Variants in PLXDC1 observed in about 807,000 individuals in gnomAD.
PLXDC1 encodes plexin domain containing 1, also known as plexin domain-containing protein 1.
In PLXDC1, 39 loss-of-function variants were observed where a neutral mutation model predicts 61.3. The observed-to-expected ratio is 0.64, with a 90% confidence interval of 0.49 to 0.83. The LOEUF (loss-of-function observed/expected upper bound fraction) is 0.83, where lower values mean the gene tolerates loss of function less well. PLXDC1 is among the 40% of genes least tolerant of loss of function. PLXDC1 has a pLI of 0.00. For synonymous variants in PLXDC1, 212 were observed against 254.5 expected, an observed-to-expected ratio of 0.83 and a Z score of 1.59; for missense variants, 596 against 666.5, an observed-to-expected ratio of 0.89 and a Z score of 1.17.
At position 39,083,445 on chromosome 17, in the gene PLXDC1, C is replaced by A; in HGVS notation, c.989+14G>T. ...TCGGCCAGTGGGAGTCAGCAGGTAACCCTGGGCACAAACCTCTGGAGGACA... is the reference window on the plus strand; with the variant it reads ...TCGGCCAGTGGGAGTCAGCAGGTAAACCTGGGCACAAACCTCTGGAGGACA... On this transcript the variant is annotated intron_variant, in intron 9 of 13. Transcript: ENST00000315392. 1.9e-6 allele frequency: 3 copies of A among 1,611,530 alleles called. No homozygotes were observed. Among genetic ancestry groups the A allele is most frequent in the East Asian group, 4.5e-5 (2 of 44,824 alleles).
At chr17:39,088,405 G>A (rs943498959) in intron 7 of PLXDC1, among the ~76,000 whole-genome samples, 1 of 152,154 alleles carries the variant, frequency 6.6e-6, no homozygotes, top group Non-Finnish European at 1.5e-5. Flanking sequence ...ATCCAAGTTC[G>A]TTCTAGTTCT....
chr17:39,099,663 T>C (rs1156859113), intron 7 of PLXDC1, among the ~76,000 whole-genome samples: 10 of 152,194 alleles, frequency 6.6e-5, no homozygotes, highest in Admixed American at 5.9e-4. Flanking sequence ...GATCTGGACT[T>C]GAATTCTTCC....
intron 2 of PLXDC1, among the ~76,000 whole-genome samples, chr17:39,129,639 AAGAG>A (rs142405651): frequency 0.61 from 84,619 of 139,386 alleles, 25,877 homozygotes; most frequent in East Asian, 0.75. Flanking sequence ...AAAAGAAAGA[AAGAG>A]AGAGAGAGAG....
chr17:39,147,545 C>T (rs1382312429), intron 1 of PLXDC1, among the ~76,000 whole-genome samples: 1 of 152,160 alleles, frequency 6.6e-6, no homozygotes, highest in Non-Finnish European at 1.5e-5. Flanking sequence ...TACAAAGCCC[C>T]TAACCATACC....
intron 13 of PLXDC1, 152 bp from the exon 14 acceptor site, chr17:39,068,111 C>T (rs1017642158): frequency 3.0e-6 from 2 of 667,902 alleles, no homozygotes; most frequent in Non-Finnish European, 5.1e-6. Context: ...CCTTCAGGGA[C>T]CCTCTCCCTA....
chr17:39,096,496 C>T (rs1910207228), intron 7 of PLXDC1, among the ~76,000 whole-genome samples: 1 of 152,202 alleles, frequency 6.6e-6, no homozygotes, highest in South Asian at 2.1e-4. Flanking sequence ...CCCCTAGATC[C>T]CTTCTGTAGC....
chr17:39,090,994 G>A (rs992109815), intron 7 of PLXDC1, among the ~76,000 whole-genome samples: 3 of 152,162 alleles, frequency 2.0e-5, no homozygotes, highest in Admixed American at 1.3e-4. Context: ...GCCTGACCGC[G>A]GTACTGTGCT....
chr17:39,082,157 G>T (rs1472615313), intron 9 of PLXDC1, among the ~76,000 whole-genome samples: 1 of 152,194 alleles, frequency 6.6e-6, no homozygotes, highest in Non-Finnish European at 1.5e-5. Context: ...TGCTAGGCAG[G>T]CTGCCTATAA....
intron 9 of PLXDC1, among the ~76,000 whole-genome samples, chr17:39,082,480 G>A (rs565284628): frequency 2.6e-5 from 4 of 151,418 alleles, no homozygotes; most frequent in East Asian, 1.9e-4. Context: ...CAGGAGAATC[G>A]CTTGAACTCA....
At position 39,108,977 on chromosome 17, in the gene PLXDC1, C is replaced by A; in HGVS notation, c.400-4G>T. 6.2e-7 allele frequency: 1 copy of A among 1,610,440 alleles called. No homozygotes were observed. The highest frequency in any genetic ancestry group is 8.5e-7 in the Non-Finnish European group (1 of 1,176,956). On this transcript the variant is annotated splice_region_variant and splice_polypyrimidine_tract_variant and intron_variant, in intron 3 of 13. Transcript: ENST00000315392. The stretch of plus-strand genomic sequence containing the variant: ...AATCAAAGGACAAGACCACTCTCTG[C>A]AGGGGATGGGAGAAAGTCAGCACGG...
At chr17:39,114,011 C>T (rs60719569) in intron 2 of PLXDC1, among the ~76,000 whole-genome samples, 19,577 of 152,082 alleles carry the variant, frequency 0.13, 1,482 homozygotes, top group Middle Eastern at 0.2. Context: ...AATTTGACTG[C>T]TTGTCCCTCT....
intron 2 of PLXDC1, among the ~76,000 whole-genome samples, chr17:39,131,373 C>T (rs1036406496): frequency 4.0e-5 from 6 of 149,634 alleles, no homozygotes; most frequent in Non-Finnish European, 7.4e-5. Context: ...TTTTTTTAGG[C>T]GACAGAATCT....
intron 11 of PLXDC1, among the ~76,000 whole-genome samples, chr17:39,073,902 T>C (rs1444092269): frequency 6.6e-6 from 1 of 152,200 alleles, no homozygotes; most frequent in East Asian, 1.9e-4. Flanking sequence ...ATCTGGTTCA[T>C]TTAAGTGAGT....
intron 7 of PLXDC1, among the ~76,000 whole-genome samples, chr17:39,093,608 CGGGTGGCTGAG>C: frequency 6.6e-6 from 1 of 151,904 alleles, no homozygotes; most frequent in East Asian, 1.9e-4. Flanking sequence ...CCCAGCTACC[CGGGTGGCTGAG>C]GTAGGGGAAT....
intron 2 of PLXDC1, among the ~76,000 whole-genome samples, chr17:39,122,378 C>CAAAAA (rs71141762): frequency 5.5e-5 from 2 of 36,490 alleles, no homozygotes; most frequent in African/African-American, 1.1e-4. Context: ...GACTCTGTCT[C>CAAAAA]AAAAAAAAAA....
At chr17:39,128,077 CTCT>C (rs1911370200) in intron 2 of PLXDC1, among the ~76,000 whole-genome samples, 1 of 103,502 alleles carries the variant, frequency 9.7e-6, no homozygotes, top group African/African-American at 3.8e-5. Context: ...GTCTCTCTCT[CTCT>C]CTCTCTCTCT....
intron 6 of PLXDC1, among the ~76,000 whole-genome samples, chr17:39,107,068 C>T (rs1567762969): frequency 6.6e-6 from 1 of 152,222 alleles, no homozygotes; most frequent in Non-Finnish European, 1.5e-5. Flanking sequence ...TCTTTGCTTC[C>T]TGAACTCGTA....
intron 3 of PLXDC1, 49 bp from the exon 4 acceptor site, chr17:39,109,022 G>T (rs932991749): frequency 3.4e-6 from 5 of 1,461,106 alleles, no homozygotes; most frequent in Non-Finnish European, 3.8e-6. Flanking sequence ...CAGGCCAGGG[G>T]CCTGGGCACC....
chr17:39,108,186 G>A lies in PLXDC1; in HGVS notation c.529C>T (p.Pro177Ser), dbSNP rs779449238. 1 of 1,614,186 alleles carries A rather than the reference G, an allele frequency of 6.2e-7. No homozygotes were observed. Among genetic ancestry groups the A allele is most frequent in the Non-Finnish European group, 8.5e-7 (1 of 1,180,018 alleles). Residue 177 changes from proline to serine, a missense_variant, in exon 5 of 14, where the codon CCC becomes TCC. Coordinates refer to ENST00000315392, the MANE Select transcript of PLXDC1 (RefSeq NM_020405.5). ...RMLTATQYVA[P>S]LMANFNPGYS... ...CCAGGGTTGAAGTTGGCCATCAGGG[G>A]CGCCACATACTGAGTAGCTGTGAGC...
Sources: allele counts gnomAD v4.1 joint callset (sites outside exome capture counted in the v4.1 genomes callset), GRCh38; gene constraint gnomAD v4.1.1; transcripts MANE v1.5; gene names NCBI Gene and HGNC (gene_info 2026-07-23, HGNC 2026-07-21).